The following KCNMA1 variants were observed in gnomAD, a reference collection of about 807,000 sequenced individuals.
KCNMA1 encodes the protein Calcium-activated potassium channel subunit alpha-1.
In KCNMA1, 29 loss-of-function variants were observed where a neutral mutation model predicts 140.0. The ratio of observed to expected loss-of-function variants is 0.21; its 90% CI spans 0.15 to 0.28. The LOEUF (loss-of-function observed/expected upper bound fraction) is 0.28, where lower values mean the gene tolerates loss of function less well. Ranked by LOEUF, KCNMA1 falls within the 10% of genes least tolerant of loss-of-function variation. The pLI is 1.00. For missense variants in KCNMA1, 880 were observed against 1,602.2 expected (o/e 0.55, Z 7.70); for synonymous variants, 612 against 611.9 (o/e 1.00, Z 0.00).
At chr10:77,000,205 T>C (rs1431066370) in intron 19 of KCNMA1, among the ~76,000 whole-genome samples, 1 of 152,186 alleles carries the variant, frequency 6.6e-6, no homozygotes, top group African/African-American at 2.4e-5. Flanking sequence ...TAGCAATATA[T>C]GTGTTGGCTG....
chr10:77,010,565 CAG>C (rs2090457881), intron 18 of KCNMA1, among the ~76,000 whole-genome samples: 2 of 151,992 alleles, frequency 1.3e-5, no homozygotes, highest in South Asian at 2.1e-4. Context: ...TCAGTGGAAA[CAG>C]GGGGAGGAAA....
At chr10:77,389,655 G>T (rs1179562603) in intron 2 of KCNMA1, among the ~76,000 whole-genome samples, 1 of 152,132 alleles carries the variant, frequency 6.6e-6, no homozygotes. Flanking sequence ...AGAGCTCCAT[G>T]GCTGAAATGA....
At chr10:77,254,144 C>A (rs1434861188) in intron 2 of KCNMA1, among the ~76,000 whole-genome samples, 1 of 151,912 alleles carries the variant, frequency 6.6e-6, no homozygotes, top group Non-Finnish European at 1.5e-5. Context: ...CAAATAGTCA[C>A]CTAAGTATTT....
Position 77,637,133 on chromosome 10 carries a change from G to A in KCNMA1, c.378+132C>T, listed in dbSNP as rs969292959. 2.2e-5 allele frequency: 28 copies of A among 1,259,764 alleles called. No homozygotes were observed. In the African/African-American group the frequency reaches 3.2e-4, roughly 14 times the overall value. 78.0% of individuals were successfully genotyped at this position (1,259,764 alleles called of 1,614,324 possible). Reference sequence around the variant, plus strand: ...GAGCACCGGGAGAGCCGAGGGAAGGGAAGGCGGCGAGGGGAAGGCAGGCGG... The same window carrying A: ...GAGCACCGGGAGAGCCGAGGGAAGGAAAGGCGGCGAGGGGAAGGCAGGCGG... On this transcript the variant is annotated intron_variant, in intron 1 of 27. Transcript: ENST00000286628.
At chr10:77,219,742 C>T (rs2048967397) in intron 3 of KCNMA1, among the ~76,000 whole-genome samples, 1 of 152,160 alleles carries the variant, frequency 6.6e-6, no homozygotes, top group African/African-American at 2.4e-5. Flanking sequence ...GCCTCAGCCT[C>T]CCAAGTAGCT....
chr10:76,944,887 G>A lies in KCNMA1; in HGVS notation c.2788C>T (p.Gln930Ter). 1 of 1,614,010 alleles carries A rather than the reference G, an allele frequency of 6.2e-7. No individual in the cohort carries two copies. The highest frequency in any genetic ancestry group is 8.5e-7 in the Non-Finnish European group (1 of 1,179,960). ...AGCGAAGTATCATCAATATTATTCT[G>A]ATTGGCTGACAGGATAACGCACATG... ...CDMCVILSAN[Q>*]NNIDDTSLQD... Residue 930 changes from glutamine (Q) to a stop codon, truncating the protein, a stop_gained, in exon 23 of 28, where the codon CAG becomes TAG. Coordinates refer to ENST00000286628, the MANE Select transcript of KCNMA1 (RefSeq NM_001161352.2). LOFTEE classifies it high-confidence loss of function.
chr10:77,361,664 A>G (rs1485891708), intron 2 of KCNMA1, among the ~76,000 whole-genome samples: 1 of 152,218 alleles, frequency 6.6e-6, no homozygotes, highest in Non-Finnish European at 1.5e-5. Flanking sequence ...TGCAGGAGCA[A>G]GAGGGGATCC....
intron 5 of KCNMA1, among the ~76,000 whole-genome samples, chr10:77,158,908 C>G (rs1379881952): frequency 6.6e-6 from 1 of 152,134 alleles, no homozygotes; most frequent in African/African-American, 2.4e-5. Context: ...ATACTCTCAC[C>G]CCATGCTGCA....
At chr10:77,432,846 T>TA (rs1178445759) in intron 1 of KCNMA1, among the ~76,000 whole-genome samples, 1 of 152,014 alleles carries the variant, frequency 6.6e-6, no homozygotes, top group Non-Finnish European at 1.5e-5. Context: ...GAGAGAGACT[T>TA]ACAGAGGGGG....
At chr10:77,218,502 C>T (rs2048519080) in intron 3 of KCNMA1, among the ~76,000 whole-genome samples, 1 of 152,238 alleles carries the variant, frequency 6.6e-6, no homozygotes, top group Admixed American at 6.5e-5. Context: ...AGCCTTGCAT[C>T]CAGCCTGGCT....
chr10:77,099,204 G>A (rs796640030), intron 9 of KCNMA1, among the ~76,000 whole-genome samples: 44 of 152,108 alleles, frequency 2.9e-4, no homozygotes, highest in African/African-American at 1.1e-3. Context: ...GCCCAGGAGA[G>A]GGTTTTGATT....
At chr10:77,234,159 G>A (rs2054595356) in intron 3 of KCNMA1, among the ~76,000 whole-genome samples, 1 of 151,966 alleles carries the variant, frequency 6.6e-6, no homozygotes, top group African/African-American at 2.4e-5. Flanking sequence ...ATCATAATTT[G>A]TTTTTTATAA....
At chr10:77,374,653 G>T (rs1451484685) in intron 2 of KCNMA1, among the ~76,000 whole-genome samples, 1 of 152,174 alleles carries the variant, frequency 6.6e-6, no homozygotes, top group Admixed American at 6.5e-5. Context: ...TAAACACAAG[G>T]ATTATTGCAC....
At chr10:76,927,915 G>A (rs1332108204) in intron 23 of KCNMA1, among the ~76,000 whole-genome samples, 1 of 152,112 alleles carries the variant, frequency 6.6e-6, no homozygotes, top group Non-Finnish European at 1.5e-5. Flanking sequence ...TTGAAAAGAG[G>A]TGCAGTAATA....
intron 3 of KCNMA1, among the ~76,000 whole-genome samples, chr10:77,209,488 T>A (rs546917616): frequency 2.7e-4 from 41 of 152,324 alleles, no homozygotes; most frequent in Middle Eastern, 3.4e-3. Flanking sequence ...TAGGTTCAGA[T>A]AACAAACTCA....
intron 1 of KCNMA1, among the ~76,000 whole-genome samples, chr10:77,599,063 G>C (rs1307084040): frequency 6.6e-6 from 1 of 152,240 alleles, no homozygotes; most frequent in African/African-American, 2.4e-5. Context: ...TAACCTCTGA[G>C]CCTCTGGTTC....
intron 1 of KCNMA1, among the ~76,000 whole-genome samples, chr10:77,418,455 G>A (rs2096791323): frequency 6.6e-6 from 1 of 152,114 alleles, no homozygotes; most frequent in Non-Finnish European, 1.5e-5. Context: ...TGCCTAACAT[G>A]GTTGAGGAAT....
chr10:77,416,591 A>G (rs1306258166), intron 1 of KCNMA1, among the ~76,000 whole-genome samples: 5 of 152,210 alleles, frequency 3.3e-5, no homozygotes, highest in Non-Finnish European at 7.4e-5. Context: ...TGGAGTAAAA[A>G]GATGAGTAAC....
At chr10:77,379,444 A>G (rs555424408) in intron 2 of KCNMA1, among the ~76,000 whole-genome samples, 187 of 152,080 alleles carry the variant, frequency 1.2e-3, no homozygotes, top group African/African-American at 4.3e-3. Context: ...CAGAAGAGGG[A>G]AAAGTACAGA....
Sources: gnomAD v4.1 joint callset for allele counts (sites outside exome capture counted in the v4.1 genomes callset) on GRCh38, gnomAD v4.1.1 for gene constraint, MANE v1.5 for transcripts, NCBI Gene and HGNC (gene_info 2026-07-23, HGNC 2026-07-21) for gene names.